The following POT1 variants were observed in gnomAD, a reference collection of about 807,000 sequenced individuals.
POT1 encodes the protein protection of telomeres 1.
A neutral mutation model predicts 78.5 loss-of-function variants in POT1; 47 were observed. The ratio of observed to expected loss-of-function variants is 0.60; its 90% CI spans 0.47 to 0.76. POT1 has a LOEUF of 0.76. Ranked by LOEUF, POT1 falls within the 30% of genes least tolerant of loss-of-function variation. The pLI is 0.00. For synonymous variants in POT1, 259 were observed against 260.7 expected (o/e 0.99, Z 0.06); for missense variants, 646 against 749.9 (o/e 0.86, Z 1.62).
In POT1 at chr7:124,914,430, T is replaced by C. The variant is rs185290016; in HGVS notation, c.-154+1144A>G. On this transcript the variant is annotated intron_variant, in intron 3 of 18. Transcript: ENST00000357628. ...AATCTGCAGCTCATTTTAGGTAGTATTGACAGCTTAACATATCAAGTCTTT... is the reference window on the plus strand; with the variant it reads ...AATCTGCAGCTCATTTTAGGTAGTACTGACAGCTTAACATATCAAGTCTTT... Among the ~76,000 whole-genome samples, 1,148 of 152,246 alleles carry C rather than the reference T, an allele frequency of 7.5e-3. 16 individuals carry two copies. The highest frequency in any genetic ancestry group is 0.011 in the Non-Finnish European group (769 of 68,020).
intron 6 of POT1, among the ~76,000 whole-genome samples, chr7:124,872,972 T>C (rs555738936): frequency 1.6e-4 from 24 of 152,322 alleles, no homozygotes; most frequent in African/African-American, 5.3e-4. Flanking sequence ...CTGCCATTTG[T>C]ATGTCATTTT....
intron 13 of POT1, 45 bp downstream of exon 13, chr7:124,842,762 C>A: frequency 6.6e-7 from 1 of 1,513,976 alleles, no homozygotes; most frequent in Non-Finnish European, 9.0e-7. Flanking sequence ...TACATATACA[C>A]ACAAATAATA....
intron 6 of POT1, among the ~76,000 whole-genome samples, chr7:124,871,555 A>G (rs995666434): frequency 4.6e-5 from 7 of 152,072 alleles, no homozygotes; most frequent in African/African-American, 1.7e-4. Flanking sequence ...TCATAACAAA[A>G]ACTCAAAAGA....
intron 14 of POT1, among the ~76,000 whole-genome samples, chr7:124,838,806 T>C (rs1794957316): frequency 6.6e-6 from 1 of 152,118 alleles, no homozygotes; most frequent in Admixed American, 6.5e-5. Context: ...GGTTTCTTCA[T>C]GTTGGTCAGG....
chr7:124,827,294 C>T lies in POT1; in HGVS notation c.1606G>A (p.Val536Ile), dbSNP rs1174783791. Reference sequence around the variant, plus strand: ...ATAACAAACACATATTGGAGGGGTACAATACCCAGTGCTAGTGAAGGAAAA... The same window carrying T: ...ATAACAAACACATATTGGAGGGGTATAATACCCAGTGCTAGTGAAGGAAAA... ...PSSVAEALGIVPLQYVFVMTF... is the reference protein window; with the variant it reads ...PSSVAEALGIIPLQYVFVMTF... The change falls in exon 17 of 19, where the codon GTA becomes ATA. Residue 536 changes from valine (V) to isoleucine (I), a missense_variant. Around this residue, in one of 2 missense-constraint regions of POT1, gnomAD observed 394 missense variants for 408.4 expected, o/e 0.96. Transcript: ENST00000357628. 7.6e-6 allele frequency: 12 copies of T among 1,582,648 alleles called. No individual in the cohort carries two copies. Among genetic ancestry groups the T allele is most frequent in the Admixed American group, 5.1e-5 (3 of 58,848 alleles).
intron 2 of POT1, among the ~76,000 whole-genome samples, chr7:124,924,205 AAG>A (rs765971017): frequency 1.3e-4 from 19 of 151,538 alleles, no homozygotes; most frequent in Non-Finnish European, 3.0e-5. Flanking sequence ...TGGTTATTTA[AAG>A]AGAGAAACAA....
intron 12 of POT1, 62 bp downstream of exon 12, chr7:124,846,880 G>A: frequency 2.5e-6 from 3 of 1,179,650 alleles, no homozygotes; most frequent in South Asian, 1.3e-5. Flanking sequence ...GCTGGTAAGT[G>A]TAGAGGCAGA....
At chr7:124,876,739 A>G (rs989487436) in intron 6 of POT1, among the ~76,000 whole-genome samples, 3 of 127,978 alleles carry the variant, frequency 2.3e-5, no homozygotes, top group African/African-American at 9.1e-5. Context: ...TCTCAACTGC[A>G]GCACTTGTGC....
intron 2 of POT1, among the ~76,000 whole-genome samples, chr7:124,916,503 T>C (rs942923506): frequency 1.3e-5 from 2 of 152,082 alleles, no homozygotes; most frequent in Non-Finnish European, 2.9e-5. Context: ...AGCAGAAATC[T>C]GAGGAAAGCA....
chr7:124,888,016 ATATATATG>A (rs1796285896), intron 6 of POT1, among the ~76,000 whole-genome samples: 1 of 152,110 alleles, frequency 6.6e-6, no homozygotes, highest in Admixed American at 6.6e-5. Context: ...GTATCAGTTC[ATATATATG>A]TATATATGTA....
At chr7:124,896,081 TAC>T (rs1045762133) in intron 5 of POT1, among the ~76,000 whole-genome samples, 1 of 148,308 alleles carries the variant, frequency 6.7e-6, no homozygotes, top group African/African-American at 2.4e-5. Flanking sequence ...CTCAAAAAAA[TAC>T]ACTTTTTCAG....
At chr7:124,874,114 G>T (rs1405086846) in intron 6 of POT1, among the ~76,000 whole-genome samples, 1 of 152,152 alleles carries the variant, frequency 6.6e-6, no homozygotes, top group Non-Finnish European at 1.5e-5. Flanking sequence ...AAAATTCTAG[G>T]AACAAAGGCT....
intron 5 of POT1, among the ~76,000 whole-genome samples, chr7:124,894,289 G>A (rs577080687): frequency 5.8e-4 from 88 of 151,544 alleles, no homozygotes; most frequent in Non-Finnish European, 7.7e-4. Context: ...TGGAATAATG[G>A]AATGGAAAGA....
intron 3 of POT1, among the ~76,000 whole-genome samples, chr7:124,901,755 C>A (rs1179701820): frequency 2.0e-5 from 3 of 152,112 alleles, no homozygotes; most frequent in Non-Finnish European, 4.4e-5. Flanking sequence ...GATGTTTGAA[C>A]CCATCGCACA....
In POT1 at chr7:124,825,367, G is replaced by T; in HGVS notation, c.1687-10C>A. ...TCTGGAAGAATTTGTCCTTAAAAAT[G>T]TTTCATGAGAGAAAAAAAAAGGAAA... On this transcript the variant is annotated splice_polypyrimidine_tract_variant and intron_variant, in intron 17 of 18. Coordinates refer to ENST00000357628, the MANE Select transcript of POT1 (RefSeq NM_015450.3). The T allele has an allele frequency of 1.3e-6, 2 of 1,536,108 alleles. No individual in the cohort carries two copies. Among genetic ancestry groups the T allele is most frequent in the Non-Finnish European group, 1.8e-6 (2 of 1,124,538 alleles).
intron 6 of POT1, 48 bp from the exon 7 acceptor site, chr7:124,871,089 T>C (rs758075480): frequency 6.0e-6 from 9 of 1,491,780 alleles, no homozygotes; most frequent in Admixed American, 2.0e-5. Context: ...TTTTAAAGCA[T>C]TTGATAAAAT....
At chr7:124,873,912 T>C (rs1279206355) in intron 6 of POT1, among the ~76,000 whole-genome samples, 1 of 152,100 alleles carries the variant, frequency 6.6e-6, no homozygotes. Context: ...CAGAAGATAC[T>C]ACAAGGTGGC....
rs1282413571 is a variant in POT1 at position 124,844,728 on chromosome 7, G to A, written c.1007-1765C>T. On this transcript the variant is annotated intron_variant, in intron 12 of 18. Coordinates refer to ENST00000357628, the MANE Select transcript of POT1 (RefSeq NM_015450.3). ...CCAGCCTGGGCGACAGCGAGACTCC[G>A]CCTCAAAAAAAAAAAAAAAAAAAAA... Among the ~76,000 whole-genome samples the A allele has an allele frequency of 9.8e-5, 6 of 61,134 alleles. No individual in the cohort carries two copies. In the East Asian group the frequency reaches 1.6e-3, roughly 16 times the overall value. 40.1% of individuals were successfully genotyped at this position (61,134 alleles called of 152,430 possible).
chr7:124,863,605 G>T lies in POT1; in HGVS notation c.291C>A (p.Thr97=). ...QVYKKETQGI[T]SSGFASLTFE... Reference sequence around the variant, plus strand: ...ACGTCAAAGATGCAAAGCCAGAGCTGGTGATACCCTGAGTCTCCTTTTTAT... The same window carrying T: ...ACGTCAAAGATGCAAAGCCAGAGCTTGTGATACCCTGAGTCTCCTTTTTAT... The change falls in exon 8 of 19, where the codon ACC becomes ACA. Residue 97 remains threonine, a synonymous_variant. Coordinates refer to ENST00000357628, the MANE Select transcript of POT1 (RefSeq NM_015450.3). 2 of 1,613,454 alleles carry T rather than the reference G, an allele frequency of 1.2e-6. No individual in the cohort carries two copies. Among genetic ancestry groups the T allele is most frequent in the Non-Finnish European group, 1.7e-6 (2 of 1,179,688 alleles).
Sources: gnomAD v4.1 joint callset for allele counts (sites outside exome capture counted in the v4.1 genomes callset) on GRCh38, gnomAD v4.1.1 for gene constraint, gnomAD v4.1.1 regional missense constraint, MANE v1.5 for transcripts, NCBI Gene and HGNC (gene_info 2026-07-23, HGNC 2026-07-21) for gene names.